SLC39A3: variants seen among roughly 807,000 people sequenced by gnomAD.
SLC39A3 encodes zinc transporter ZIP3.
A neutral mutation model predicts 5.1 loss-of-function variants in SLC39A3; 3 were observed. The ratio of observed to expected loss-of-function variants is 0.59; its 90% CI spans 0.27 to 1.54. The LOEUF is 1.54. SLC39A3 is among the 40% of genes most tolerant of loss of function. SLC39A3 has a pLI of 0.12. For missense variants in SLC39A3, 412 were observed against 436.4 expected (o/e 0.94, Z 0.50); for synonymous variants, 250 against 218.8 (o/e 1.14, Z -1.26).
In SLC39A3 at chr19:2,734,605, G is replaced by C. The variant is rs1599484734; in HGVS notation, c.211-1120C>G. 5.8e-6 allele frequency: 2 copies of C among 342,854 alleles called. No individual in the cohort carries two copies. Among genetic ancestry groups the C allele is most frequent in the Non-Finnish European group, 8.2e-6 (2 of 242,492 alleles). The allele number at this position is 342,854 out of a possible 1,614,324, so 21.2% of individuals were successfully genotyped here. On this transcript the variant is annotated intron_variant, in intron 2 of 2. Coordinates refer to ENST00000269740, the MANE Select transcript of SLC39A3 (RefSeq NM_144564.5). The surrounding 1 kb of genome is among the most constrained non-coding windows in gnomAD (Gnocchi z 4.6). ...TCGGGGCTGGATTGTTCTCTGGGAC[G>C]GGGCCGTCCTGGGCACTGCAGGGTG...
chr19:2,732,684 G>C lies in SLC39A3; in HGVS notation c.*67C>G. The C allele has an allele frequency of 1.4e-6, 2 of 1,462,284 alleles. No individual in the cohort carries two copies. The highest frequency in any genetic ancestry group is 1.8e-6 in the Non-Finnish European group (2 of 1,109,388). The allele number at this position is 1,462,284 out of a possible 1,614,324, so 90.6% of individuals were successfully genotyped here. A position where few individuals can be genotyped will look rare whatever the true frequency, so the allele number is the denominator to read the frequency against. On this transcript the variant is annotated 3_prime_UTR_variant, in exon 3 of 3. Coordinates refer to ENST00000269740, the MANE Select transcript of SLC39A3 (RefSeq NM_144564.5). ...CGCTCTTGGGGGACGCGCGGCCGGG[G>C]GACGCGGCCTGTGTCCGGCCCGGGG...
chr19:2,733,277 C>A lies in SLC39A3; in HGVS notation c.419G>T (p.Gly140Val), dbSNP rs751040577. Residue 140 changes from glycine (G) to valine (V), a missense_variant, in exon 3 of 3, where the codon GGC becomes GTC. Transcript: ENST00000269740. This position sits in a 1 kb window ranked among gnomAD's most constrained non-coding sequence, Gnocchi z 6.1. ...CACGTACAGCGCGTGGCCCCGCGCG[C>A]CCCCCATGAAGGGGCTCTCATACTC... Reference protein sequence around the residue: ...DSEYESPFMGGARGHALYVEP... With the variant: ...DSEYESPFMGVARGHALYVEP... 2 of 1,612,386 alleles carry A rather than the reference C, an allele frequency of 1.2e-6. No individual in the cohort carries two copies. Among genetic ancestry groups the A allele is most frequent in the African/African-American group, 1.3e-5 (1 of 74,936 alleles).
At position 2,733,501 on chromosome 19, in the gene SLC39A3, C is replaced by A. The variant is rs766529448; in HGVS notation, c.211-16G>T. 5.6e-6 allele frequency: 9 copies of A among 1,597,948 alleles called. No individual in the cohort carries two copies. Among genetic ancestry groups the A allele is most frequent in the African/African-American group, 4.0e-5 (3 of 74,372 alleles). On this transcript the variant is annotated splice_polypyrimidine_tract_variant and intron_variant, in intron 2 of 2. Coordinates refer to ENST00000269740, the MANE Select transcript of SLC39A3 (RefSeq NM_144564.5). The surrounding 1 kb of genome is among the most constrained non-coding windows in gnomAD (Gnocchi z 6.1). ...CCTTCTGGAGCTGCAGCCGGGGACA[C>A]CCGAGAGAGAGAGAGAGACCCACGC...
chr19:2,739,270 T>A (rs1418080023), intron 1 of SLC39A3, among the ~76,000 whole-genome samples: 3 of 152,056 alleles, frequency 2.0e-5, no homozygotes, highest in Non-Finnish European at 2.9e-5. Flanking sequence ...AAGGGCCGCA[T>A]TTTACCTGAT....
Position 2,733,193 on chromosome 19 carries a change from A to G in SLC39A3, c.503T>C (p.Val168Ala), listed in dbSNP as rs1914250567. The G allele has an allele frequency of 6.2e-7, 1 of 1,607,998 alleles. No individual in the cohort carries two copies. Among genetic ancestry groups the G allele is most frequent in the Non-Finnish European group, 8.5e-7 (1 of 1,177,572 alleles). Residue 168 changes from valine (V) to alanine (A), a missense_variant, in exon 3 of 3, where the codon GTG becomes GCG. Transcript: ENST00000269740. This position sits in a 1 kb window ranked among gnomAD's most constrained non-coding sequence, Gnocchi z 6.1. Reference protein sequence around the residue: ...SVQGLSRASPVRLLSLAFALS... With the variant: ...SVQGLSRASPARLLSLAFALS... ...CGCGAAGGCCAGGCTGAGCAGGCGC[A>G]CGGGGCTGGCGCGCGAGAGGCCCTG...
intron 1 of SLC39A3, 110 bp from the exon 2 acceptor site, chr19:2,737,489 C>T: frequency 1.5e-6 from 1 of 654,514 alleles, no homozygotes; most frequent in Non-Finnish European, 2.4e-6. Flanking sequence ...AATCTCCGCT[C>T]ACTGCAACCT....
Position 2,739,662 on chromosome 19 carries a change from G to C in SLC39A3, c.-123+283C>G, listed in dbSNP as rs745999493. 2.0e-5 allele frequency among the ~76,000 whole-genome samples: 3 copies of C among 152,334 alleles called. No homozygotes were observed. The South Asian group carries it at 6.2e-4, about 32-fold the overall frequency. On this transcript the variant is annotated intron_variant, in intron 1 of 2. Transcript: ENST00000269740. ...CAGCGCAGAGCCACCCAGGCACACAGTAGGCGCCCAATAAAGACCTGTCCG... is the reference window on the plus strand; with the variant it reads ...CAGCGCAGAGCCACCCAGGCACACACTAGGCGCCCAATAAAGACCTGTCCG...
chr19:2,733,669 C>T lies in SLC39A3; in HGVS notation c.211-184G>A, dbSNP rs1180065440. ...TAACACCACCACCACCAGCCAAGCG[C>T]GGTGGCTCATGCCTGTGACCCCAGC... On this transcript the variant is annotated intron_variant, in intron 2 of 2. Transcript: ENST00000269740. The surrounding 1 kb of genome is among the most constrained non-coding windows in gnomAD (Gnocchi z 6.1). Among the ~76,000 whole-genome samples, 2 of 152,162 alleles carry T rather than the reference C, an allele frequency of 1.3e-5. No individual in the cohort carries two copies. The highest frequency in any genetic ancestry group is 4.8e-5 in the African/African-American group (2 of 41,428).
rs781639261 is a variant in SLC39A3, at chr19:2,738,199, CAAAAAAA to C, written c.-122-827_-122-821del. On this transcript the variant is annotated intron_variant, in intron 1 of 2. Transcript: ENST00000269740. The stretch of plus-strand genomic sequence containing the variant: ...GGGCAACAAGAGCAAAACTCCATCT[CAAAAAAA>C]AAAAAAAAAAAAAACTAAATAAAAT... Among the ~76,000 whole-genome samples, 7 of 50,906 alleles carry C rather than the reference CAAAAAAA, an allele frequency of 1.4e-4. No homozygotes were observed. In the East Asian group the frequency reaches 2.6e-3, roughly 19 times the overall value. 33.4% of individuals were successfully genotyped at this position (50,906 alleles called of 152,430 possible).
rs143540643 is a variant in SLC39A3 at position 2,733,092 on chromosome 19, C to A, written c.604G>T (p.Val202Leu). The change falls in exon 3 of 3, where the codon GTG (valine) becomes TTG (leucine). Residue 202 changes from valine to leucine, a missense_variant. Val to Leu is a conservative substitution (Grantham distance 32, BLOSUM62 1). Coordinates refer to ENST00000269740, the MANE Select transcript of SLC39A3 (RefSeq NM_144564.5). The surrounding 1 kb of genome is among the most constrained non-coding windows in gnomAD (Gnocchi z 6.1). ...AGTGTCTCGTGGACGGCCACCCCCA[C>A]GAACAGGCTCACCACTTTCTCCCCC... Reference protein sequence around the residue: ...EEGEKVVSLFVGVAVHETLVA... With the variant: ...EEGEKVVSLFLGVAVHETLVA... 1.9e-6 allele frequency: 3 copies of A among 1,610,986 alleles called. No individual in the cohort carries two copies. Among genetic ancestry groups the A allele is most frequent in the African/African-American group, 1.3e-5 (1 of 74,904 alleles).
chr19:2,734,107 G>A lies in SLC39A3; in HGVS notation c.211-622C>T, dbSNP rs552643880. ...ACTAGACGTGGGTCAGACGGGAGCC[G>A]CAGGGCGTCTGCAAGAGGTACACAC... On this transcript the variant is annotated intron_variant, in intron 2 of 2. Transcript: ENST00000269740. This position sits in a 1 kb window ranked among gnomAD's most constrained non-coding sequence, Gnocchi z 4.6. 7.9e-5 allele frequency among the ~76,000 whole-genome samples: 12 copies of A among 152,338 alleles called. No individual in the cohort carries two copies. The highest frequency in any genetic ancestry group is 1.3e-4 in the Non-Finnish European group (9 of 68,032).
At chr19:2,736,338 G>C (rs1914367097) in intron 2 of SLC39A3, 1 of 252,814 alleles carries the variant, frequency 4.0e-6, no homozygotes, top group Non-Finnish European at 6.3e-6. Context: ...ACCTCTGCAT[G>C]ACATGGGACT....
chr19:2,736,869 G>GTAGAGCA, intron 2 of SLC39A3, 179 bp downstream of exon 2: 3 of 1,495,490 alleles, frequency 2.0e-6, no homozygotes, highest in Non-Finnish European at 2.7e-6. Context: ...TGTTTGGCCG[G>GTAGAGCA]TAGAGCACAG....
chr19:2,733,524 C>G lies in SLC39A3; in HGVS notation c.211-39G>C, dbSNP rs778373404. ...CACCCGAGAGAGAGAGAGAGACCCACGCTCAGGGGTGGCGGCGACAGGGCT... is the reference window on the plus strand; with the variant it reads ...CACCCGAGAGAGAGAGAGAGACCCAGGCTCAGGGGTGGCGGCGACAGGGCT... On this transcript the variant is annotated intron_variant, in intron 2 of 2. Coordinates refer to ENST00000269740, the MANE Select transcript of SLC39A3 (RefSeq NM_144564.5). The surrounding 1 kb of genome is among the most constrained non-coding windows in gnomAD (Gnocchi z 6.1). 6.4e-6 allele frequency: 10 copies of G among 1,568,408 alleles called. No individual in the cohort carries two copies. In the South Asian group the frequency reaches 1.2e-4, roughly 18 times the overall value.
chr19:2,732,646 G>A lies in SLC39A3; in HGVS notation c.*105C>T. ...CCCCTTGTGCACAGGTGGTGGCCCA[G>A]GGCCACAGTGCTCGCTCTTGGGGGA... On this transcript the variant is annotated 3_prime_UTR_variant, in exon 3 of 3. Transcript: ENST00000269740. 1.4e-6 allele frequency: 2 copies of A among 1,431,948 alleles called. No homozygotes were observed. Among genetic ancestry groups the A allele is most frequent in the Non-Finnish European group, 1.8e-6 (2 of 1,094,364 alleles). The allele number at this position is 1,431,948 out of a possible 1,614,324, so 88.7% of individuals were successfully genotyped here.
In SLC39A3 at chr19:2,732,775, G is replaced by C. The variant is rs758696759; in HGVS notation, c.921C>G (p.Ala307=). The C allele has an allele frequency of 3.1e-6, 5 of 1,591,526 alleles. No homozygotes were observed. Among genetic ancestry groups the C allele is most frequent in the Non-Finnish European group, 8.6e-7 (1 of 1,167,756 alleles). ...LFLVLGYTVL[A]GMVFLKW ...CTCACCACTTGAGGAAGACCATCCC[G>C]GCCAGGACGGTGTAGCCCAGCACCA... Residue 307 remains alanine (A), a synonymous_variant, in exon 3 of 3, where the codon GCC becomes GCG. Transcript: ENST00000269740.
chr19:2,739,029 G>T lies in SLC39A3; in HGVS notation c.-123+916C>A, dbSNP rs560594428. On this transcript the variant is annotated intron_variant, in intron 1 of 2. Coordinates refer to ENST00000269740, the MANE Select transcript of SLC39A3 (RefSeq NM_144564.5). ...GCAGGAGAATTGCTTCAACCCAGGA[G>T]GTGGAGCTTGCAGTGAGCCGAGATC... is the stretch of plus-strand genomic sequence containing the variant. Among the ~76,000 whole-genome samples, 8 of 150,610 alleles carry T rather than the reference G, an allele frequency of 5.3e-5. No individual in the cohort carries two copies. The South Asian group carries it at 1.7e-3, about 32-fold the overall frequency.
intron 1 of SLC39A3, among the ~76,000 whole-genome samples, 187 bp downstream of exon 1, chr19:2,739,758 G>C (rs921221268): frequency 5.3e-5 from 8 of 152,220 alleles, no homozygotes; most frequent in Non-Finnish European, 1.2e-4. Flanking sequence ...GAGGCTGCTC[G>C]GGCCGGGATG....
chr19:2,738,438 T>G lies in SLC39A3; in HGVS notation c.-122-1059A>C, dbSNP rs570609984. Among the ~76,000 whole-genome samples, 9 of 152,264 alleles carry G rather than the reference T, an allele frequency of 5.9e-5. 1 individual carries two copies. In the East Asian group the frequency reaches 1.7e-3, roughly 29 times the overall value. On this transcript the variant is annotated intron_variant, in intron 1 of 2. Transcript: ENST00000269740. Reference sequence around the variant, plus strand: ...TGTACCCTGAGGCTGAAGCTCTGCATGACAAGCTCCTGCCTCGCCTCGGCC... The same window carrying G: ...TGTACCCTGAGGCTGAAGCTCTGCAGGACAAGCTCCTGCCTCGCCTCGGCC...
Sources: gnomAD v4.1 joint callset for allele counts (sites outside exome capture counted in the v4.1 genomes callset) on GRCh38, gnomAD v4.1.1 for gene constraint, Gnocchi (gnomAD v3.1) non-coding constraint, MANE v1.5 for transcripts, NCBI Gene and HGNC (gene_info 2026-07-23, HGNC 2026-07-21) for gene names.